The following ABCA6 variants were observed in gnomAD, a reference collection of about 807,000 sequenced individuals.
The protein encoded by ABCA6 is ATP-binding cassette sub-family A member 6.
Under a neutral mutation model 191.2 loss-of-function variants are expected in ABCA6, and 164 were observed. The observed-to-expected ratio is 0.86, with a 90% CI of 0.76 to 0.98. The LOEUF (loss-of-function observed/expected upper bound fraction) is 0.98, where lower values mean the gene tolerates loss of function less well. ABCA6 is among the 50% of genes least tolerant of loss of function. The pLI is 0.00. For synonymous variants in ABCA6, 636 were observed against 647.7 expected (o/e 0.98, Z 0.27); for missense variants, 1,958 against 1,894.1 (o/e 1.03, Z -0.63).
At position 69,087,385 on chromosome 17, in the gene ABCA6, C is replaced by T; in HGVS notation, c.3787G>A (p.Ala1263Thr). The T allele has an allele frequency of 6.2e-7, 1 of 1,613,930 alleles. No individual in the cohort carries two copies. Among genetic ancestry groups the T allele is most frequent in the Non-Finnish European group, 8.5e-7 (1 of 1,179,874 alleles). The change falls in exon 29 of 39, where the codon GCC becomes ACC. Residue 1263 changes from alanine (A) to threonine (T), a missense_variant. Coordinates refer to ENST00000284425, the MANE Select transcript of ABCA6 (RefSeq NM_080284.3). ...EDIQTERIRTATALTTSILDE... is the reference protein window; with the variant it reads ...EDIQTERIRTTTALTTSILDE... ...AAGATTGAAGTGGTCAGAGCAGTGGCTGTTCTTATTCTTTCTGTTTGAATA... is the reference window on the plus strand; with the variant it reads ...AAGATTGAAGTGGTCAGAGCAGTGGTTGTTCTTATTCTTTCTGTTTGAATA...
At chr17:69,111,112 C>G (rs951736927) in intron 16 of ABCA6, 172 bp from the exon 17 acceptor site, 11 of 532,470 alleles carry the variant, frequency 2.1e-5, no homozygotes, top group African/African-American at 1.9e-4. Context: ...ATTTTATAAT[C>G]TATATATGGA....
chr17:69,124,469 T>C (rs967455521), intron 9 of ABCA6, among the ~76,000 whole-genome samples: 3 of 152,018 alleles, frequency 2.0e-5, no homozygotes, highest in African/African-American at 7.2e-5. Context: ...TTGAGAATGA[T>C]GCTGAACAAA....
intron 30 of ABCA6, 133 bp downstream of exon 30, chr17:69,086,485 A>AT (rs1598442521): frequency 6.9e-5 from 7 of 101,548 alleles, no homozygotes; most frequent in Admixed American, 1.5e-4. Context: ...CTGGCACACT[A>AT]AATATATATA....
chr17:69,140,418 T>G (rs1156551882), intron 2 of ABCA6, among the ~76,000 whole-genome samples, 190 bp downstream of exon 2: 1 of 152,120 alleles, frequency 6.6e-6, no homozygotes, highest in African/African-American at 2.4e-5. Flanking sequence ...TCTTTTTATA[T>G]GAGGAATTCT....
Position 69,113,641 on chromosome 17 carries a change from T to C in ABCA6, c.1879A>G (p.Ile627Val), listed in dbSNP as rs2144674591. Residue 627 changes from isoleucine (I) to valine (V), a missense_variant, in exon 14 of 39, where the codon ATT (isoleucine) becomes GTT (valine). Ile to Val is a conservative substitution (Grantham distance 29). Transcript: ENST00000284425. ...ACTTGAGGATCTCCTAAAATGGTAA[T>C]CCCAAAAGTCAGCTTTCTTTTCTGT... is the stretch of plus-strand genomic sequence containing the variant. ...EGQKRKLTFG[I>V]TILGDPQILL... The C allele has an allele frequency of 6.2e-7, 1 of 1,613,054 alleles. No homozygotes were observed. The highest frequency in any genetic ancestry group is 8.5e-7 in the Non-Finnish European group (1 of 1,179,350).
At chr17:69,093,835 G>A (rs2072987870) in intron 25 of ABCA6, among the ~76,000 whole-genome samples, 1 of 152,032 alleles carries the variant, frequency 6.6e-6, no homozygotes, top group Non-Finnish European at 1.5e-5. Flanking sequence ...TAAATATACT[G>A]AAATAGATAA....
chr17:69,093,165 A>AT (rs2072967199), intron 25 of ABCA6, among the ~76,000 whole-genome samples: 1 of 152,130 alleles, frequency 6.6e-6, no homozygotes. Flanking sequence ...AAGTTACTAA[A>AT]TTTTTTCCTC....
intron 19 of ABCA6, 86 bp downstream of exon 19, chr17:69,105,942 A>G: frequency 7.2e-7 from 1 of 1,396,416 alleles, no homozygotes; most frequent in Admixed American, 2.4e-5. Flanking sequence ...AATGTCAGAT[A>G]TTGCGTTCTA....
At chr17:69,119,374 C>T (rs982729427) in intron 10 of ABCA6, among the ~76,000 whole-genome samples, 2 of 152,024 alleles carry the variant, frequency 1.3e-5, no homozygotes, top group African/African-American at 4.8e-5. Context: ...TAAAATTTAA[C>T]TCTAAAATAG....
At chr17:69,111,029 C>G in intron 16 of ABCA6, 89 bp from the exon 17 acceptor site, 4 of 1,268,128 alleles carry the variant, frequency 3.2e-6, no homozygotes, top group Non-Finnish European at 4.3e-6. Context: ...AGCTGTTGAG[C>G]ACAACTTTAC....
intron 6 of ABCA6, among the ~76,000 whole-genome samples, chr17:69,131,866 G>A (rs1030223091): frequency 3.9e-5 from 6 of 152,124 alleles, no homozygotes; most frequent in African/African-American, 1.4e-4. Context: ...ATGCCTCCCT[G>A]GTCTCAGGTG....
At chr17:69,107,493 A>G (rs1461390113) in intron 18 of ABCA6, among the ~76,000 whole-genome samples, 2 of 152,160 alleles carry the variant, frequency 1.3e-5, no homozygotes, top group Non-Finnish European at 2.9e-5. Context: ...CCAAAAGGAA[A>G]CTTGGTAGAT....
chr17:69,137,197 C>A, intron 3 of ABCA6, 99 bp downstream of exon 3: 1 of 1,131,038 alleles, frequency 8.8e-7, no homozygotes, highest in Non-Finnish European at 1.3e-6. Flanking sequence ...AAGTTATTAG[C>A]ATAATATATG....
intron 35 of ABCA6, 72 bp downstream of exon 35, chr17:69,083,139 CA>C: frequency 6.4e-7 from 1 of 1,562,600 alleles, no homozygotes; most frequent in Non-Finnish European, 8.6e-7. Context: ...TCCAGCCACA[CA>C]CAGGGATTTT....
At chr17:69,096,154 T>C in intron 25 of ABCA6, 86 bp downstream of exon 25, 1 of 576,770 alleles carries the variant, frequency 1.7e-6, no homozygotes. Flanking sequence ...TTCCCTACTG[T>C]CTTAAGGCAG....
At chr17:69,103,721 G>A (rs2073230460) in intron 20 of ABCA6, among the ~76,000 whole-genome samples, 1 of 151,974 alleles carries the variant, frequency 6.6e-6, no homozygotes, top group Non-Finnish European at 1.5e-5. Context: ...ACGTATACCT[G>A]GGAAAAGATG....
Position 69,095,340 on chromosome 17 carries a change from A to T in ABCA6, c.3408+900T>A, listed in dbSNP as rs117162241. 1,048 of 160,054 alleles carry T rather than the reference A, an allele frequency of 6.5e-3. 7 individuals carry two copies. Among genetic ancestry groups the T allele is most frequent in the Non-Finnish European group, 8.8e-3 (631 of 71,920 alleles). 9.9% of individuals were successfully genotyped at this position (160,054 alleles called of 1,614,324 possible). ...TCTGTAGCCTCTGTACTTCCACTGG[A>T]TTGTGCTGATGGTGGTAAGAGATAT... On this transcript the variant is annotated intron_variant, in intron 25 of 38. Transcript: ENST00000284425.
At chr17:69,133,582 T>C in intron 6 of ABCA6, 59 bp downstream of exon 6, 1 of 1,282,032 alleles carries the variant, frequency 7.8e-7, no homozygotes, top group Non-Finnish European at 1.1e-6. Flanking sequence ...AATAACACTT[T>C]TTCACTGCTT....
Position 69,114,932 on chromosome 17 carries a change from C to G in ABCA6, c.1612G>C (p.Val538Leu). Reference protein sequence around the residue: ...NGLSVPTEGSVTIYNKNLSEM... With the variant: ...NGLSVPTEGSLTIYNKNLSEM... Reference sequence around the variant, plus strand: ...GAGAGATTTTTATTATAGATGGTAACTGATCCTAAGAATAGAAGTTAAAAA... The same window carrying G: ...GAGAGATTTTTATTATAGATGGTAAGTGATCCTAAGAATAGAAGTTAAAAA... Residue 538 changes from valine (V) to leucine (L), a missense_variant, in exon 13 of 39, where the codon GTT becomes CTT. Transcript: ENST00000284425. 1 of 1,603,896 alleles carries G rather than the reference C, an allele frequency of 6.2e-7. No individual in the cohort carries two copies. The highest frequency in any genetic ancestry group is 8.5e-7 in the Non-Finnish European group (1 of 1,174,262).
Sources: allele counts gnomAD v4.1 joint callset (sites outside exome capture counted in the v4.1 genomes callset), GRCh38; gene constraint gnomAD v4.1.1; transcripts MANE v1.5; gene names NCBI Gene and HGNC (gene_info 2026-07-23, HGNC 2026-07-21).